The following GRID2 variants were observed in gnomAD, a reference collection of about 807,000 sequenced individuals.
GRID2 encodes glutamate ionotropic receptor delta type subunit 2, also known as glutamate receptor ionotropic, delta-2.
A neutral mutation model predicts 114.8 loss-of-function variants in GRID2; 33 were observed. That is an observed-to-expected ratio of 0.29 (90% CI 0.22 to 0.38). The LOEUF is 0.38. GRID2 is among the 10% of genes least tolerant of loss of function. The pLI is 1.00. For missense variants in GRID2, 1,184 were observed against 1,257.7 expected (o/e 0.94, Z 0.89); for synonymous variants, 505 against 449.9 (o/e 1.12, Z -1.55).
intron 2 of GRID2, among the ~76,000 whole-genome samples, chr4:92,883,768 G>A (rs1194483841): frequency 2.0e-5 from 3 of 152,192 alleles, no homozygotes; most frequent in Admixed American, 1.3e-4. Flanking sequence ...GTTTTGAACA[G>A]TGGGTTTAAA....
At chr4:93,117,196 G>T (rs952127255) in intron 4 of GRID2, among the ~76,000 whole-genome samples, 1 of 152,082 alleles carries the variant, frequency 6.6e-6, no homozygotes, top group Non-Finnish European at 1.5e-5. Context: ...GATGGATATG[G>T]TTATTTTACT....
intron 2 of GRID2, among the ~76,000 whole-genome samples, chr4:93,015,099 C>T (rs376954302): frequency 3.9e-5 from 6 of 152,022 alleles, no homozygotes; most frequent in East Asian, 1.9e-4. Context: ...ATGAGGTAAA[C>T]GAATCTCCCT....
At chr4:93,492,497 A>G (rs1177904877) in intron 12 of GRID2, among the ~76,000 whole-genome samples, 1 of 151,844 alleles carries the variant, frequency 6.6e-6, no homozygotes, top group Non-Finnish European at 1.5e-5. Context: ...TTTAGAGAAC[A>G]CAAGAAGAAA....
At chr4:93,605,992 C>T (rs1179331929) in intron 13 of GRID2, among the ~76,000 whole-genome samples, 1 of 152,074 alleles carries the variant, frequency 6.6e-6, no homozygotes, top group African/African-American at 2.4e-5. Flanking sequence ...TGAGGCTGGC[C>T]ATGGTGGCTC....
chr4:93,350,352 T>G (rs1419154259), intron 8 of GRID2, among the ~76,000 whole-genome samples: 1 of 152,192 alleles, frequency 6.6e-6, no homozygotes, highest in South Asian at 2.1e-4. Flanking sequence ...AAGATACCAT[T>G]GCACATGTCA....
At chr4:93,244,169 T>C (rs1284497560) in intron 8 of GRID2, among the ~76,000 whole-genome samples, 1 of 152,034 alleles carries the variant, frequency 6.6e-6, no homozygotes, top group Non-Finnish European at 1.5e-5. Flanking sequence ...TGAATTCCAG[T>C]ATTAAAATGT....
At chr4:92,361,970 C>T (rs2110202609) in intron 1 of GRID2, among the ~76,000 whole-genome samples, 1 of 152,030 alleles carries the variant, frequency 6.6e-6, no homozygotes, top group East Asian at 1.9e-4. Flanking sequence ...AGAGAGTGCC[C>T]TGGAAATATA....
intron 14 of GRID2, among the ~76,000 whole-genome samples, chr4:93,678,239 A>T (rs1725118616): frequency 6.6e-6 from 1 of 152,202 alleles, no homozygotes; most frequent in Admixed American, 6.5e-5. Context: ...AAAGAATAAA[A>T]AGAAATGAAC....
chr4:92,944,177 G>A (rs931320610), intron 2 of GRID2, among the ~76,000 whole-genome samples: 1 of 152,222 alleles, frequency 6.6e-6, no homozygotes, highest in East Asian at 1.9e-4. Flanking sequence ...CCTGCCCCCA[G>A]ATGTGGAGTC....
Position 93,027,781 on chromosome 4 carries a change from A to G in GRID2, c.245-57214A>G, listed in dbSNP as rs1258665690. Among the ~76,000 whole-genome samples the G allele has an allele frequency of 3.9e-5, 6 of 152,156 alleles. No individual in the cohort carries two copies. The East Asian group carries it at 7.7e-4, about 20-fold the overall frequency. On this transcript the variant is annotated intron_variant, in intron 2 of 15. Transcript: ENST00000282020. ...AATGAAATACCTAAATACAAATTTA[A>G]TATCTTAGGATACATTTGATATTTT... is the stretch of plus-strand genomic sequence containing the variant.
At chr4:92,769,216 TC>T (rs1738414562) in intron 2 of GRID2, among the ~76,000 whole-genome samples, 1 of 152,214 alleles carries the variant, frequency 6.6e-6, no homozygotes, top group South Asian at 2.1e-4. Context: ...AGTGGGGCAA[TC>T]CTAAAGTGCC....
At chr4:93,800,444 A>T (rs1404290118) in intron 1 of GRID2, among the ~76,000 whole-genome samples, 4 of 152,210 alleles carry the variant, frequency 2.6e-5, no homozygotes, top group African/African-American at 7.2e-5. Context: ...TGTAAGTAGC[A>T]TTGAGGAAAC....
intron 14 of GRID2, among the ~76,000 whole-genome samples, chr4:93,672,280 C>T (rs1388419278): frequency 1.3e-5 from 2 of 152,210 alleles, no homozygotes; most frequent in Non-Finnish European, 2.9e-5. Flanking sequence ...AGGGGGAACC[C>T]CCCCACCACA....
At chr4:92,441,190 A>G (rs1372433225) in intron 1 of GRID2, among the ~76,000 whole-genome samples, 3 of 152,176 alleles carry the variant, frequency 2.0e-5, no homozygotes, top group Admixed American at 1.3e-4. Flanking sequence ...GTTGTTTTAT[A>G]GAAGGTGTTT....
chr4:93,286,918 A>G (rs1387199651), intron 8 of GRID2, among the ~76,000 whole-genome samples: 1 of 152,160 alleles, frequency 6.6e-6, no homozygotes, highest in African/African-American at 2.4e-5. Flanking sequence ...AAAAATTAGA[A>G]TAATATTATA....
At chr4:92,775,821 C>T (rs966937614) in intron 2 of GRID2, among the ~76,000 whole-genome samples, 2 of 152,062 alleles carry the variant, frequency 1.3e-5, no homozygotes, top group African/African-American at 2.4e-5. Context: ...AACTGTCATC[C>T]TTCACACTGT....
chr4:93,103,638 A>G (rs1344899235), intron 3 of GRID2, among the ~76,000 whole-genome samples: 1 of 151,968 alleles, frequency 6.6e-6, no homozygotes, highest in East Asian at 1.9e-4. Flanking sequence ...AACTACTTTT[A>G]AGGGAGGCAA....
At chr4:92,687,154 G>A (rs977938082) in intron 2 of GRID2, among the ~76,000 whole-genome samples, 2 of 150,396 alleles carry the variant, frequency 1.3e-5, no homozygotes, top group Non-Finnish European at 3.0e-5. Flanking sequence ...AACATTCATT[G>A]ATTTTTCACA....
intron 2 of GRID2, among the ~76,000 whole-genome samples, chr4:92,785,108 A>G (rs1236241256): frequency 6.8e-6 from 1 of 146,674 alleles, no homozygotes; most frequent in Non-Finnish European, 1.5e-5. Context: ...GACATAATCC[A>G]CTAAAAATGA....
Sources: gnomAD v4.1 joint callset for allele counts (sites outside exome capture counted in the v4.1 genomes callset) on GRCh38, gnomAD v4.1.1 for gene constraint, MANE v1.5 for transcripts, NCBI Gene and HGNC (gene_info 2026-07-23, HGNC 2026-07-21) for gene names.